Variants in LRBA observed in about 807,000 individuals in gnomAD.
LRBA encodes LPS responsive beige-like anchor protein.
A neutral mutation model predicts 330.0 loss-of-function variants in LRBA; 176 were observed. The observed-to-expected ratio is 0.53, with a 90% CI of 0.47 to 0.60. The LOEUF (loss-of-function observed/expected upper bound fraction) is 0.60, where lower values mean the gene tolerates loss of function less well. Ranked by LOEUF, LRBA falls within the 20% of genes least tolerant of loss-of-function variation. The pLI is 0.00. For synonymous variants in LRBA, 1,230 were observed against 1,193.0 expected, an observed-to-expected ratio of 1.03 and a Z score of -0.64; for missense variants, 3,259 against 3,444.8, an observed-to-expected ratio of 0.95 and a Z score of 1.35.
At chr4:150,270,495 TAG>T (rs1461064318) in intron 56 of LRBA, among the ~76,000 whole-genome samples, 1 of 152,138 alleles carries the variant, frequency 6.6e-6, no homozygotes, top group African/African-American at 2.4e-5. Flanking sequence ...GGCAAATTCA[TAG>T]AGACAGAAAG....
intron 37 of LRBA, among the ~76,000 whole-genome samples, chr4:150,645,731 T>C (rs552845407): frequency 6.6e-6 from 1 of 152,008 alleles, no homozygotes; most frequent in East Asian, 1.9e-4. Context: ...TGTCCATAGA[T>C]GGACATTAAT....
In LRBA at chr4:150,755,306, C is replaced by T. The variant is rs530630785; in HGVS notation, c.5645+6477G>A. ...ATTTGTATACAAGTCTGAGTTACTG[C>T]TGTAATAAGCAGACACTGACTGGCT... On this transcript the variant is annotated intron_variant, in intron 35 of 56. Transcript: ENST00000651943. 5.9e-5 allele frequency among the ~76,000 whole-genome samples: 9 copies of T among 152,278 alleles called. No homozygotes were observed. In the East Asian group the frequency reaches 1.7e-3, roughly 29 times the overall value.
chr4:150,805,496 A>AG (rs1280253320), intron 33 of LRBA, among the ~76,000 whole-genome samples: 1 of 118,194 alleles, frequency 8.5e-6, no homozygotes, highest in Non-Finnish European at 1.8e-5. Context: ...AGGAAAGGAG[A>AG]AGGAGGAGAA....
intron 55 of LRBA, 139 bp from the exon 56 acceptor site, chr4:150,278,143 G>A (rs555974883): frequency 8.8e-6 from 6 of 683,762 alleles, no homozygotes; most frequent in Admixed American, 3.0e-5. Flanking sequence ...TTAGAAAATC[G>A]TGAGTTGTAG....
intron 28 of LRBA, among the ~76,000 whole-genome samples, chr4:150,840,151 G>C (rs1463768127): frequency 6.6e-6 from 1 of 152,174 alleles, no homozygotes; most frequent in African/African-American, 2.4e-5. Context: ...GTGCCTGGTT[G>C]GATCTTTTAT....
chr4:150,790,902 T>C (rs1031378), intron 34 of LRBA, among the ~76,000 whole-genome samples: 54,995 of 152,076 alleles, frequency 0.36, 11,550 homozygotes, highest in Middle Eastern at 0.47. Flanking sequence ...GCCTACCCTA[T>C]TGATTCTCAT....
intron 36 of LRBA, among the ~76,000 whole-genome samples, chr4:150,699,565 C>T (rs1242454172): frequency 1.3e-5 from 2 of 152,120 alleles, no homozygotes; most frequent in Admixed American, 6.6e-5. Context: ...CACATATAAG[C>T]ATTCAATTTC....
chr4:150,805,622 AAAGGAG>A (rs1553965608), intron 33 of LRBA, among the ~76,000 whole-genome samples: 2 of 142,250 alleles, frequency 1.4e-5, no homozygotes, highest in Non-Finnish European at 3.0e-5. Context: ...AAAGGAAAGG[AAAGGAG>A]AAGGAGAAGG....
chr4:150,639,779 ATATG>A (rs1375454746), intron 37 of LRBA, among the ~76,000 whole-genome samples: 65 of 3,544 alleles, frequency 0.018, 3 homozygotes, highest in South Asian at 0.12. Flanking sequence ...ATATATATAT[ATATG>A]TGTGTGTGTA....
In LRBA at chr4:151,014,826, A is replaced by T; in HGVS notation, c.-184T>A. 4 of 568,826 alleles carry T rather than the reference A, an allele frequency of 7.0e-6. No individual in the cohort carries two copies. Among genetic ancestry groups the T allele is most frequent in the Non-Finnish European group, 1.3e-5 (4 of 319,736 alleles). 35.2% of individuals were successfully genotyped at this position (568,826 alleles called of 1,614,324 possible). On this transcript the variant is annotated 5_prime_UTR_variant, in exon 2 of 57. Transcript: ENST00000651943. Reference sequence around the variant, plus strand: ...TCCTCCTCTTGGAGAATATTTGTCCAATCTCTCTCCCCGAGGCTGACAACA... The same window carrying T: ...TCCTCCTCTTGGAGAATATTTGTCCTATCTCTCTCCCCGAGGCTGACAACA...
At chr4:150,751,891 G>A (rs965837353) in intron 35 of LRBA, among the ~76,000 whole-genome samples, 2 of 152,068 alleles carry the variant, frequency 1.3e-5, no homozygotes, top group Admixed American at 6.6e-5. Flanking sequence ...TAGACCTTGG[G>A]TAAGCACATA....
chr4:150,295,708 T>C (rs191617578), intron 53 of LRBA, among the ~76,000 whole-genome samples: 8 of 152,330 alleles, frequency 5.3e-5, no homozygotes, highest in Non-Finnish European at 8.8e-5. Flanking sequence ...CATATAGGCA[T>C]AGGTACTTAC....
In LRBA at chr4:150,908,857, C is replaced by T; in HGVS notation, c.1162G>A (p.Gly388Ser). Residue 388 changes from glycine to serine, a missense_variant and splice_region_variant, in exon 10 of 57, where the codon GGT becomes AGT. Physicochemically the swap from Gly to Ser is moderately conservative, Grantham distance 56. Coordinates refer to ENST00000651943, the MANE Select transcript of LRBA (RefSeq NM_001364905.1). ...CTTTCTGCTTTGAATTTAAATGTACCCTAAGAATTAATTAAAAACAGTTAA... is the reference window on the plus strand; with the variant it reads ...CTTTCTGCTTTGAATTTAAATGTACTCTAAGAATTAATTAAAAACAGTTAA... Reference protein sequence around the residue: ...AIYQLGLGYKGTFKFKAESDL... With the variant: ...AIYQLGLGYKSTFKFKAESDL... 1 of 1,604,080 alleles carries T rather than the reference C, an allele frequency of 6.2e-7. No homozygotes were observed.
At chr4:150,820,943 C>A (rs569630487) in intron 30 of LRBA, among the ~76,000 whole-genome samples, 2 of 151,940 alleles carry the variant, frequency 1.3e-5, no homozygotes, top group Admixed American at 6.6e-5. Flanking sequence ...AAAAACTAAG[C>A]ATTTAATATT....
chr4:150,869,605 C>G (rs1753180906), intron 20 of LRBA, among the ~76,000 whole-genome samples: 1 of 152,126 alleles, frequency 6.6e-6, no homozygotes, highest in Admixed American at 6.6e-5. Context: ...AGGAGAATCA[C>G]TTGAACCAGG....
chr4:150,833,593 A>AC (rs1358237807), intron 28 of LRBA, among the ~76,000 whole-genome samples: 2 of 152,212 alleles, frequency 1.3e-5, no homozygotes, highest in Non-Finnish European at 2.9e-5. Context: ...TTGTATCTAA[A>AC]AAAAACGCAC....
At chr4:150,711,157 C>T (rs894836829) in intron 36 of LRBA, among the ~76,000 whole-genome samples, 2 of 151,712 alleles carry the variant, frequency 1.3e-5, no homozygotes, top group Admixed American at 6.6e-5. Context: ...ACAGAGAGAC[C>T]CTTTTGTGGT....
chr4:150,559,052 T>C (rs772531754), intron 40 of LRBA, among the ~76,000 whole-genome samples: 1 of 152,168 alleles, frequency 6.6e-6, no homozygotes, highest in African/African-American at 2.4e-5. Flanking sequence ...CAGACAGACA[T>C]ATCACTTACA....
intron 37 of LRBA, among the ~76,000 whole-genome samples, chr4:150,651,695 A>G (rs1779722800): frequency 6.6e-6 from 1 of 152,192 alleles, no homozygotes; most frequent in Non-Finnish European, 1.5e-5. Context: ...ACAAGAAAAA[A>G]AAAGGATGTT....
Sources: allele counts gnomAD v4.1 joint callset (sites outside exome capture counted in the v4.1 genomes callset), GRCh38; gene constraint gnomAD v4.1.1; transcripts MANE v1.5; gene names NCBI Gene and HGNC (gene_info 2026-07-23, HGNC 2026-07-21).